EYS: variants seen among roughly 807,000 people sequenced by gnomAD.
The protein encoded by EYS is protein eyes shut homolog.
In EYS, 250 loss-of-function variants were observed where a neutral mutation model predicts 282.1. The observed-to-expected ratio is 0.89, with a 90% CI of 0.80 to 0.98. The LOEUF is 0.98. Among genes scored for constraint, EYS ranks in the 50% least tolerant of loss-of-function variants. The pLI is 0.00. For missense variants in EYS, 4,016 were observed against 3,709.0 expected (o/e 1.08, Z -2.15); for synonymous variants, 1,355 against 1,282.9 (o/e 1.06, Z -1.20).
At chr6:64,062,578 G>C (rs1771212967) in intron 33 of EYS, among the ~76,000 whole-genome samples, 1 of 151,778 alleles carries the variant, frequency 6.6e-6, no homozygotes, top group Non-Finnish European at 1.5e-5. Context: ...TGTAATCCCA[G>C]CTGCTTGGAG....
intron 41 of EYS, among the ~76,000 whole-genome samples, chr6:63,745,678 G>A (rs1769194130): frequency 6.6e-6 from 1 of 152,216 alleles, no homozygotes; most frequent in African/African-American, 2.4e-5. Context: ...TTAGATGGAT[G>A]TTGGATGGTC....
chr6:64,576,962 T>C (rs1204124045), intron 26 of EYS, among the ~76,000 whole-genome samples: 1 of 152,116 alleles, frequency 6.6e-6, no homozygotes, highest in Non-Finnish European at 1.5e-5. Flanking sequence ...GAATCCATTA[T>C]GACTGGTGTT....
intron 31 of EYS, among the ~76,000 whole-genome samples, chr6:64,173,614 A>G (rs1283727591): frequency 6.6e-6 from 1 of 152,160 alleles, no homozygotes; most frequent in African/African-American, 2.4e-5. Context: ...CTTATTTTTT[A>G]GTGGTACTAC....
At chr6:64,617,668 A>T in intron 23 of EYS, 135 bp from the exon 24 acceptor site, 1 of 631,508 alleles carries the variant, frequency 1.6e-6, no homozygotes. Flanking sequence ...ACCTCAGTGT[A>T]TCTTCATGAT....
intron 12 of EYS, among the ~76,000 whole-genome samples, chr6:65,072,583 C>T (rs552417496): frequency 6.6e-6 from 1 of 151,546 alleles, no homozygotes; most frequent in Non-Finnish European, 1.5e-5. Flanking sequence ...ATAATGAAAA[C>T]ATTGTCAAAG....
chr6:64,824,710 C>T (rs1764998469), intron 19 of EYS, among the ~76,000 whole-genome samples: 2 of 151,782 alleles, frequency 1.3e-5, no homozygotes, highest in African/African-American at 2.4e-5. Flanking sequence ...CAGGATGCAT[C>T]CAGCAATGTT....
intron 13 of EYS, among the ~76,000 whole-genome samples, chr6:65,019,917 C>T (rs534430649): frequency 4.0e-5 from 6 of 151,272 alleles, no homozygotes; most frequent in South Asian, 2.1e-4. Flanking sequence ...CAAGAAGTGC[C>T]GAGCAAAATG....
intron 30 of EYS, among the ~76,000 whole-genome samples, chr6:64,288,612 C>A (rs1768583883): frequency 1.3e-5 from 2 of 152,122 alleles, no homozygotes; most frequent in Non-Finnish European, 2.9e-5. Flanking sequence ...GATAACACAT[C>A]CTCATATAGC....
intron 37 of EYS, among the ~76,000 whole-genome samples, chr6:63,791,679 T>C (rs1301679265): frequency 6.6e-6 from 1 of 151,988 alleles, no homozygotes; most frequent in Non-Finnish European, 1.5e-5. Context: ...GAAAGGGCTA[T>C]ATCTTTAAGG....
intron 22 of EYS, among the ~76,000 whole-genome samples, chr6:64,800,211 G>T (rs1774495321): frequency 6.6e-6 from 1 of 152,000 alleles, no homozygotes; most frequent in Admixed American, 6.6e-5. Flanking sequence ...CAGATGCCCT[G>T]ACCTGTGGAG....
intron 26 of EYS, among the ~76,000 whole-genome samples, chr6:64,519,298 T>G (rs948578381): frequency 6.6e-6 from 1 of 151,726 alleles, no homozygotes; most frequent in Non-Finnish European, 1.5e-5. Flanking sequence ...ACATGAGTGG[T>G]GCTGGGAGTT....
In EYS at chr6:64,875,250, G is replaced by T. The variant is rs555110874; in HGVS notation, c.2992+11447C>A. On this transcript the variant is annotated intron_variant, in intron 19 of 42. Coordinates refer to ENST00000503581, the MANE Select transcript of EYS (RefSeq NM_001142800.2). ...TTGTGTGTGTGTGTGTGCTGAGGAA[G>T]TTGGAGAATTAAAATGTTCATGCTT... Among the ~76,000 whole-genome samples, 12 of 152,138 alleles carry T rather than the reference G, an allele frequency of 7.9e-5. No homozygotes were observed. The South Asian group carries it at 2.5e-3, about 32-fold the overall frequency.
chr6:64,346,733 A>AAAAC (rs2150400577), intron 29 of EYS, among the ~76,000 whole-genome samples: 1 of 151,544 alleles, frequency 6.6e-6, no homozygotes, highest in South Asian at 2.1e-4. Flanking sequence ...CAAAACAAAA[A>AAAAC]AACATTTTCA....
intron 22 of EYS, among the ~76,000 whole-genome samples, chr6:64,805,650 T>C (rs1562201240): frequency 6.6e-6 from 1 of 151,440 alleles, no homozygotes. Flanking sequence ...TTCCAAAAGT[T>C]ATGCAAAAGC....
chr6:65,128,962 G>A (rs1476298756), intron 12 of EYS, among the ~76,000 whole-genome samples: 2 of 151,864 alleles, frequency 1.3e-5, no homozygotes, highest in African/African-American at 4.8e-5. Flanking sequence ...TGGTACAATA[G>A]ACACATAGAC....
rs545911958 is a variant in EYS at position 64,383,644 on chromosome 6, G to A, written c.6078+5046C>T. On this transcript the variant is annotated intron_variant, in intron 29 of 42. Coordinates refer to ENST00000503581, the MANE Select transcript of EYS (RefSeq NM_001142800.2). ...GGTTTGGGTTTATTTTCACCAGTAA[G>A]TGGACCCCTATAAATGGCTATTTAA... 5.3e-5 allele frequency among the ~76,000 whole-genome samples: 8 copies of A among 152,328 alleles called. No individual in the cohort carries two copies. In the South Asian group the frequency reaches 1.5e-3, roughly 28 times the overall value.
intron 26 of EYS, among the ~76,000 whole-genome samples, chr6:64,503,968 T>C (rs1490949106): frequency 6.6e-6 from 1 of 152,178 alleles, no homozygotes. Flanking sequence ...CGGTAAGATG[T>C]GACTTGCTTC....
rs138647626 is a variant in EYS at position 65,089,646 on chromosome 6, T to A, written c.2024-31919A>T. 5.5e-3 allele frequency among the ~76,000 whole-genome samples: 835 copies of A among 152,118 alleles called. 7 individuals are homozygous for A. Among genetic ancestry groups the A allele is most frequent in the African/African-American group, 0.019 (792 of 41,520 alleles). On this transcript the variant is annotated intron_variant, in intron 12 of 42. Coordinates refer to ENST00000503581, the MANE Select transcript of EYS (RefSeq NM_001142800.2). ...TGGACTTTGACTTTTGAGTTAATGCTGCAATGAGCTAAGACTTTCAGAGGC... is the reference window on the plus strand; with the variant it reads ...TGGACTTTGACTTTTGAGTTAATGCAGCAATGAGCTAAGACTTTCAGAGGC...
At chr6:64,896,889 A>ACAGACC (rs1767492040) in intron 18 of EYS, among the ~76,000 whole-genome samples, 1 of 152,136 alleles carries the variant, frequency 6.6e-6, no homozygotes, top group Non-Finnish European at 1.5e-5. Flanking sequence ...GCTGCCGTAG[A>ACAGACC]CAGACCGCCT....
Sources: gnomAD v4.1 joint callset for allele counts (sites outside exome capture counted in the v4.1 genomes callset) on GRCh38, gnomAD v4.1.1 for gene constraint, MANE v1.5 for transcripts, NCBI Gene and HGNC (gene_info 2026-07-23, HGNC 2026-07-21) for gene names.